Variants in IL31RA observed in about 807,000 individuals in gnomAD.
IL31RA encodes interleukin-31 receptor subunit alpha.
Under a neutral mutation model 83.7 loss-of-function variants are expected in IL31RA, and 66 were observed. That is an observed-to-expected ratio of 0.79 (90% confidence interval 0.65 to 0.97). The LOEUF (loss-of-function observed/expected upper bound fraction) is 0.97, where lower values mean the gene tolerates loss of function less well. Ranked by LOEUF, IL31RA falls within the 50% of genes least tolerant of loss-of-function variation. The probability of loss-of-function intolerance (pLI) is 0.00; values close to 1 mark genes in which losing one functional copy is unlikely to be tolerated. For synonymous variants in IL31RA, 325 were observed against 329.0 expected (o/e 0.99, Z 0.13); for missense variants, 798 against 919.4 (o/e 0.87, Z 1.71).
intron 12 of IL31RA, 52 bp from the exon 13 acceptor site, chr5:55,913,425 T>C: frequency 9.0e-7 from 1 of 1,105,758 alleles, no homozygotes; most frequent in Admixed American, 1.7e-5. Context: ...CATTGATTTT[T>C]GTCAAGAAGG....
chr5:55,863,970 A>G (rs6450354), intron 2 of IL31RA, among the ~76,000 whole-genome samples: 115,033 of 152,080 alleles, frequency 0.76, 44,167 homozygotes, highest in African/African-American at 0.83. Flanking sequence ...TTAGATCCAC[A>G]AGGATCTATT....
chr5:55,870,543 C>T (rs962496771), intron 3 of IL31RA, among the ~76,000 whole-genome samples: 2 of 152,114 alleles, frequency 1.3e-5, no homozygotes, highest in African/African-American at 4.8e-5. Context: ...CTTATAGAGA[C>T]ATTTCCCCTC....
At chr5:55,916,199 G>A (rs1749768497) in intron 14 of IL31RA, among the ~76,000 whole-genome samples, 1 of 152,070 alleles carries the variant, frequency 6.6e-6, no homozygotes, top group Non-Finnish European at 1.5e-5. Flanking sequence ...TGGGTAACAT[G>A]ACAAAACCCC....
chr5:55,867,484 C>T (rs114243823), intron 2 of IL31RA, among the ~76,000 whole-genome samples: 279 of 151,802 alleles, frequency 1.8e-3, no homozygotes, highest in African/African-American at 6.6e-3. Flanking sequence ...ATGAAATCAT[C>T]AAAATATTAA....
rs764813150 is a variant in IL31RA, at chr5:55,922,362, A to T, written c.*5242A>T. The stretch of plus-strand genomic sequence containing the variant: ...AATGCTCTCGTGGCTGTTCAAGGGA[A>T]GTGAGATACTTGTACTATGCATTTC... On this transcript the variant is annotated 3_prime_UTR_variant, in exon 15 of 15. Coordinates refer to ENST00000652347, the MANE Select transcript of IL31RA (RefSeq NM_139017.7). The T allele has an allele frequency of 6.5e-7, 1 of 1,539,966 alleles. No individual in the cohort carries two copies. The highest frequency in any genetic ancestry group is 1.2e-5 in the South Asian group (1 of 83,828).
rs1040323053 is a variant in IL31RA, at chr5:55,920,102, T to C, written c.*2982T>C. On this transcript the variant is annotated 3_prime_UTR_variant, in exon 15 of 15. Coordinates refer to ENST00000652347, the MANE Select transcript of IL31RA (RefSeq NM_139017.7). ...GTGGCTTAAATAAAAAGACCACAAG[T>C]TCCTTCTGGTGTCTTGGGAGGCAGC... Among the ~76,000 whole-genome samples, 2 of 152,182 alleles carry C rather than the reference T, an allele frequency of 1.3e-5. No individual in the cohort carries two copies. The highest frequency in any genetic ancestry group is 2.9e-5 in the Non-Finnish European group (2 of 68,026).
chr5:55,899,782 G>A, intron 7 of IL31RA, 134 bp from the exon 8 acceptor site: 2 of 708,238 alleles, frequency 2.8e-6, no homozygotes, highest in Non-Finnish European at 2.6e-6. Context: ...ATCCCTGGAG[G>A]GTAATTACCT....
chr5:55,850,556 AT>A (rs1745028080), upstream of IL31RA, among the ~76,000 whole-genome samples: 1 of 136,682 alleles, frequency 7.3e-6, no homozygotes, highest in African/African-American at 3.3e-5. Flanking sequence ...TTTAACTAAT[AT>A]TTCTTTTAAA....
intron 13 of IL31RA, 75 bp from the exon 14 acceptor site, chr5:55,914,768 CCTCA>C: frequency 9.9e-7 from 1 of 1,011,870 alleles, no homozygotes; most frequent in Non-Finnish European, 1.6e-6. Context: ...TTTAGCACAG[CCTCA>C]CTCTTTTGAC....
chr5:55,876,095 C>T (rs978909139), intron 4 of IL31RA, among the ~76,000 whole-genome samples: 2 of 152,132 alleles, frequency 1.3e-5, no homozygotes, highest in African/African-American at 2.4e-5. Context: ...AGAACTATGA[C>T]AGTGCTTTTA....
intron 4 of IL31RA, among the ~76,000 whole-genome samples, chr5:55,876,112 A>G (rs1561549687): frequency 2.0e-5 from 3 of 152,220 alleles, no homozygotes; most frequent in Non-Finnish European, 2.9e-5. Flanking sequence ...TTTAAGAGCA[A>G]TTAAAAATAT....
chr5:55,907,891 A>T (rs1749253424), intron 10 of IL31RA, among the ~76,000 whole-genome samples: 1 of 152,196 alleles, frequency 6.6e-6, no homozygotes, highest in Non-Finnish European at 1.5e-5. Flanking sequence ...TCTTTTTGGA[A>T]GTTCATGTCT....
chr5:55,909,372 G>A (rs775693887), intron 11 of IL31RA, among the ~76,000 whole-genome samples: 26 of 152,140 alleles, frequency 1.7e-4, no homozygotes, highest in Non-Finnish European at 3.2e-4. Flanking sequence ...AACATATGCT[G>A]CTGTGTACAA....
At position 55,917,205 on chromosome 5, in the gene IL31RA, G is replaced by C; in HGVS notation, c.*85G>C. ...TGTCAAGACTCGGCACGCAGCGCTT[G>C]CTTGGCCCTGCCACATCCTGCCTAG... On this transcript the variant is annotated 3_prime_UTR_variant, in exon 15 of 15. Coordinates refer to ENST00000652347, the MANE Select transcript of IL31RA (RefSeq NM_139017.7). 1.2e-6 allele frequency: 2 copies of C among 1,603,754 alleles called. No individual in the cohort carries two copies. The highest frequency in any genetic ancestry group is 2.2e-5 in the South Asian group (2 of 90,350).
chr5:55,898,052 TG>T (rs1748537784), intron 7 of IL31RA, among the ~76,000 whole-genome samples: 1 of 152,188 alleles, frequency 6.6e-6, no homozygotes, highest in Non-Finnish European at 1.5e-5. Context: ...TGCCGCCGCA[TG>T]GGACAACAGC....
intron 14 of IL31RA, among the ~76,000 whole-genome samples, chr5:55,916,334 C>T (rs1250650196): frequency 4.6e-5 from 7 of 150,696 alleles, no homozygotes; most frequent in Non-Finnish European, 4.4e-5. Flanking sequence ...GAGTGGTGAT[C>T]ATGCTACTGT....
rs545105631 is a variant in IL31RA at position 55,912,038 on chromosome 5, A to G, written c.1642+1366A>G. ...TTAAATTTTTTTAAAGCTGTATTGA[A>G]TTTTTGCAACACTGGGCACAAATTT... On this transcript the variant is annotated intron_variant, in intron 12 of 14. Coordinates refer to ENST00000652347, the MANE Select transcript of IL31RA (RefSeq NM_139017.7). Among the ~76,000 whole-genome samples the G allele has an allele frequency of 7.2e-5, 11 of 152,182 alleles. No individual in the cohort carries two copies. In the South Asian group the frequency reaches 2.3e-3, roughly 32 times the overall value.
Position 55,917,249 on chromosome 5 carries a change from C to A in IL31RA, c.*129C>A, listed in dbSNP as rs1749845235. The A allele has an allele frequency of 6.3e-7, 1 of 1,580,216 alleles. No individual in the cohort carries two copies. The highest frequency in any genetic ancestry group is 8.5e-7 in the Non-Finnish European group (1 of 1,169,934). On this transcript the variant is annotated 3_prime_UTR_variant, in exon 15 of 15. Transcript: ENST00000652347. ...TGCCTAGGTTAAAGTTTCCCCTGCC[C>A]CTTGAGCTGCCAGTTGAACTTGGTC...
At chr5:55,901,089 A>G (rs941747949) in intron 8 of IL31RA, among the ~76,000 whole-genome samples, 4 of 152,166 alleles carry the variant, frequency 2.6e-5, no homozygotes, top group Non-Finnish European at 5.9e-5. Flanking sequence ...GCTGCCTTCC[A>G]TCTCTTCTCC....
Sources: allele counts gnomAD v4.1 joint callset (sites outside exome capture counted in the v4.1 genomes callset), GRCh38; gene constraint gnomAD v4.1.1; transcripts MANE v1.5; gene names NCBI Gene and HGNC (gene_info 2026-07-23, HGNC 2026-07-21).